The following GDPD1 variants were observed in gnomAD, a reference collection of about 807,000 sequenced individuals.
The protein encoded by GDPD1 is lysophospholipase D GDPD1.
GDPD1 carries 28 observed loss-of-function variants against 45.1 expected under a neutral mutation model. That is an observed-to-expected ratio of 0.62 (90% confidence interval 0.46 to 0.85). GDPD1 has a LOEUF of 0.85. Ranked by LOEUF, GDPD1 falls within the 40% of genes least tolerant of loss-of-function variation. The pLI, the probability that GDPD1 is intolerant of heterozygous loss-of-function variation, is 0.00. For synonymous variants in GDPD1, 139 were observed against 131.4 expected, an observed-to-expected ratio of 1.06 and a Z score of -0.40; for missense variants, 256 against 364.8, an observed-to-expected ratio of 0.70 and a Z score of 2.43.
chr17:59,223,795 C>T (rs1014143545), intron 1 of GDPD1, among the ~76,000 whole-genome samples: 1 of 152,136 alleles, frequency 6.6e-6, no homozygotes, highest in African/African-American at 2.4e-5. Context: ...TCTGTAATCC[C>T]AGCTATTCAA....
Position 59,274,077 on chromosome 17 carries a change from C to A in GDPD1, c.*304C>A. On this transcript the variant is annotated 3_prime_UTR_variant, in exon 10 of 10. Coordinates refer to ENST00000284116, the MANE Select transcript of GDPD1 (RefSeq NM_182569.4). ...TACAGAAATCTTGATTAATAACATA[C>A]ACAGAAATGTACATACTACATCATC... The A allele has an allele frequency of 1.3e-6, 1 of 765,564 alleles. No individual in the cohort carries two copies. Among genetic ancestry groups the A allele is most frequent in the Non-Finnish European group, 1.6e-6 (1 of 630,118 alleles). The allele number at this position is 765,564 out of a possible 1,614,324, so 47.4% of individuals were successfully genotyped here.
intron 3 of GDPD1, among the ~76,000 whole-genome samples, chr17:59,247,754 C>G (rs541682732): frequency 4.6e-4 from 70 of 152,120 alleles, no homozygotes; most frequent in Middle Eastern, 3.4e-3. Flanking sequence ...CTCAGCCCCC[C>G]CAAATAGCTG....
chr17:59,272,834 C>A lies in GDPD1; in HGVS notation c.820C>A (p.Gln274Lys). 1 of 1,613,886 alleles carries A rather than the reference C, an allele frequency of 6.2e-7. No homozygotes were observed. Among genetic ancestry groups the A allele is most frequent in the African/African-American group, 1.3e-5 (1 of 75,036 alleles). ...TGACCACCTAACTGCTCGAGGCATT[C>A]AAGTAAGTTTCTGGAATGATGCATT... ...LFDHLTARGI[Q>K]VYIWVLNEEQ... is the part of the protein sequence containing the mutation. The change falls in exon 9 of 10, where the codon CAA becomes AAA. Residue 274 changes from glutamine (Q) to lysine (K), a missense_variant and splice_region_variant. By Grantham distance (53) the Gln-to-Lys change is moderately conservative (BLOSUM62 1). Coordinates refer to ENST00000284116, the MANE Select transcript of GDPD1 (RefSeq NM_182569.4).
At position 59,239,247 on chromosome 17, in the gene GDPD1, G is replaced by A. The variant is rs560757675; in HGVS notation, c.185+4713G>A. ...AACCTCAGTGTTGTGAAGAGTAAAT[G>A]AGATTCAAATAAATTCTTTAACATG... On this transcript the variant is annotated intron_variant, in intron 2 of 9. Transcript: ENST00000284116. Among the ~76,000 whole-genome samples the A allele has an allele frequency of 2.4e-4, 37 of 152,148 alleles. 1 individual carries two copies. The highest frequency in any genetic ancestry group is 2.1e-4 in the Non-Finnish European group (14 of 68,024).
chr17:59,262,742 T>C (rs1477578988), intron 6 of GDPD1, among the ~76,000 whole-genome samples: 1 of 151,202 alleles, frequency 6.6e-6, no homozygotes, highest in Non-Finnish European at 1.5e-5. Context: ...ATTTTCCCGC[T>C]TCAGCCTCCC....
chr17:59,237,322 G>A (rs1432278978), intron 2 of GDPD1, among the ~76,000 whole-genome samples: 1 of 152,126 alleles, frequency 6.6e-6, no homozygotes, highest in African/African-American at 2.4e-5. Context: ...GATGGCTTGA[G>A]CCTGGAAGGT....
intron 2 of GDPD1, 144 bp from the exon 3 acceptor site, chr17:59,245,270 A>G: frequency 1.8e-6 from 1 of 540,636 alleles, no homozygotes; most frequent in Non-Finnish European, 3.2e-6. Context: ...TTTTCATATT[A>G]ATAAGTCATA....
intron 1 of GDPD1, among the ~76,000 whole-genome samples, chr17:59,226,969 C>T (rs931651625): frequency 2.0e-5 from 3 of 151,862 alleles, no homozygotes; most frequent in African/African-American, 7.3e-5. Flanking sequence ...GCATGAACCA[C>T]CGCGCCCACC....
rs1453131781 is a variant in GDPD1 at position 59,275,541 on chromosome 17, GACTA to G, written c.*1772_*1775del. 17 of 190,702 alleles carry G rather than the reference GACTA, an allele frequency of 8.9e-5. No individual in the cohort carries two copies. The East Asian group carries it at 2.3e-3, about 26-fold the overall frequency. 11.8% of individuals were successfully genotyped at this position (190,702 alleles called of 1,614,324 possible). A position where few individuals can be genotyped will look rare whatever the true frequency, so the allele number is the denominator to read the frequency against. On this transcript the variant is annotated 3_prime_UTR_variant, in exon 10 of 10. Transcript: ENST00000284116. ...ATGTAAGATTTCCATTTTTGGCACT[GACTA>G]ACTGAGCCTACATCTAGATTTTAAA... is the stretch of plus-strand genomic sequence containing the variant.
chr17:59,256,085 G>A (rs1192839292), intron 4 of GDPD1, among the ~76,000 whole-genome samples: 1 of 151,448 alleles, frequency 6.6e-6, no homozygotes, highest in Non-Finnish European at 1.5e-5. Flanking sequence ...TCGGGAGGCC[G>A]AGGCGGGCAG....
rs377542436 is a variant in GDPD1 at position 59,238,703 on chromosome 17, G to A, written c.185+4169G>A. Among the ~76,000 whole-genome samples the A allele has an allele frequency of 2.3e-4, 35 of 152,186 alleles. No homozygotes were observed. In the South Asian group the frequency reaches 6.8e-3, roughly 30 times the overall value. On this transcript the variant is annotated intron_variant, in intron 2 of 9. Coordinates refer to ENST00000284116, the MANE Select transcript of GDPD1 (RefSeq NM_182569.4). ...GCTAGGATTACAGGTGTGAGCCACC[G>A]CACCCAGCCTTGTGTTATTTCATTA... is the stretch of plus-strand genomic sequence containing the variant.
chr17:59,274,782 A>G lies in GDPD1; in HGVS notation c.*1009A>G, dbSNP rs1183787959. On this transcript the variant is annotated 3_prime_UTR_variant, in exon 10 of 10. Coordinates refer to ENST00000284116, the MANE Select transcript of GDPD1 (RefSeq NM_182569.4). The stretch of plus-strand genomic sequence containing the variant: ...TACAGAGCAAGACTCCGTCTCAAAA[A>G]AAGAAAAAAAGAAAAAAAATTGGCA... 6.6e-6 allele frequency among the ~76,000 whole-genome samples: 1 copy of G among 151,892 alleles called. No individual in the cohort carries two copies. The highest frequency in any genetic ancestry group is 1.5e-5 in the Non-Finnish European group (1 of 67,974).
At position 59,273,939 on chromosome 17, in the gene GDPD1, TA is replaced by T. The variant is rs1275410978; in HGVS notation, c.*167del. 2.6e-6 allele frequency: 2 copies of T among 776,962 alleles called. No homozygotes were observed. The highest frequency in any genetic ancestry group is 3.7e-5 in the African/African-American group (2 of 53,604). 48.1% of individuals were successfully genotyped at this position (776,962 alleles called of 1,614,324 possible). ...ATGTAGAAACTATATATTATATGTA[TA>T]TTTATTTTAAATAATATTGTATATT... On this transcript the variant is annotated 3_prime_UTR_variant, in exon 10 of 10. Coordinates refer to ENST00000284116, the MANE Select transcript of GDPD1 (RefSeq NM_182569.4).
chr17:59,256,533 T>C (rs1444348703), intron 4 of GDPD1, among the ~76,000 whole-genome samples: 2 of 152,200 alleles, frequency 1.3e-5, no homozygotes, highest in African/African-American at 2.4e-5. Flanking sequence ...AATGATGATA[T>C]AGCAAAACTT....
intron 1 of GDPD1, among the ~76,000 whole-genome samples, chr17:59,230,470 C>A (rs533642209): frequency 2.0e-4 from 30 of 150,186 alleles, no homozygotes; most frequent in African/African-American, 7.4e-4. Flanking sequence ...GCAACCTCCG[C>A]CTCCCGGGTT....
intron 4 of GDPD1, among the ~76,000 whole-genome samples, chr17:59,255,762 A>AAAATATATATATAT (rs1281572220): frequency 2.3e-5 from 1 of 44,354 alleles, no homozygotes; most frequent in Non-Finnish European, 3.5e-5. Context: ...AAAAAAAAAA[A>AAAATATATATATAT]ATATATATAT....
At chr17:59,269,153 C>T (rs1012080405) in intron 7 of GDPD1, among the ~76,000 whole-genome samples, 1 of 151,844 alleles carries the variant, frequency 6.6e-6, no homozygotes, top group African/African-American at 2.4e-5. Flanking sequence ...AAAAATTAGC[C>T]GGGCACAGTG....
chr17:59,270,252 G>A (rs2047434333), intron 7 of GDPD1, among the ~76,000 whole-genome samples: 1 of 151,256 alleles, frequency 6.6e-6, no homozygotes, highest in African/African-American at 2.4e-5. Context: ...GGAGTGCAGT[G>A]GCGCAGTCTT....
At chr17:59,229,122 GTTATTA>G (rs71145540) in intron 1 of GDPD1, among the ~76,000 whole-genome samples, 13,529 of 134,290 alleles carry the variant, frequency 0.1, 764 homozygotes, top group African/African-American at 0.17. Context: ...TCCTCAAATT[GTTATTA>G]TTATTATTAT....
Sources: allele counts gnomAD v4.1 joint callset (sites outside exome capture counted in the v4.1 genomes callset), GRCh38; gene constraint gnomAD v4.1.1; transcripts MANE v1.5; gene names NCBI Gene and HGNC (gene_info 2026-07-23, HGNC 2026-07-21).